Variants in GALNT17 observed in about 807,000 individuals in gnomAD.
The protein encoded by GALNT17 is UDP-GalNAc:polypeptide N-acetylgalactosaminyltransferase-like 3.
A neutral mutation model predicts 63.7 loss-of-function variants in GALNT17; 29 were observed. The ratio of observed to expected loss-of-function variants is 0.46; its 90% CI spans 0.34 to 0.62. The LOEUF is 0.62. Among genes scored for constraint, GALNT17 ranks in the 20% least tolerant of loss-of-function variants. GALNT17 has a pLI of 0.01. For missense variants in GALNT17, 603 were observed against 799.6 expected (o/e 0.75, Z 2.97); for synonymous variants, 305 against 318.3 (o/e 0.96, Z 0.45).
intron 6 of GALNT17, among the ~76,000 whole-genome samples, chr7:71,605,858 G>T (rs187673999): frequency 1.2e-4 from 19 of 152,276 alleles, no homozygotes; most frequent in East Asian, 3.9e-4. Flanking sequence ...TAATAGCACA[G>T]TGAATGAGGC....
chr7:71,168,297 G>A (rs1788482461), intron 1 of GALNT17, among the ~76,000 whole-genome samples: 1 of 152,132 alleles, frequency 6.6e-6, no homozygotes, highest in African/African-American at 2.4e-5. Context: ...ATTTGGGCCG[G>A]GCGCGGTGGC....
intron 9 of GALNT17, among the ~76,000 whole-genome samples, chr7:71,701,580 G>A (rs955284577): frequency 6.6e-6 from 1 of 151,584 alleles, no homozygotes; most frequent in East Asian, 1.9e-4. Context: ...GCACTCCTGG[G>A]TATCTACCCA....
At chr7:71,403,636 C>T (rs1793277673) in intron 3 of GALNT17, among the ~76,000 whole-genome samples, 1 of 152,180 alleles carries the variant, frequency 6.6e-6, no homozygotes, top group Non-Finnish European at 1.5e-5. Flanking sequence ...AGGATTCACA[C>T]TGCCTTTGAC....
intron 9 of GALNT17, among the ~76,000 whole-genome samples, chr7:71,685,220 G>C (rs1020821308): frequency 7.2e-5 from 11 of 152,120 alleles, no homozygotes; most frequent in Non-Finnish European, 1.3e-4. Flanking sequence ...GAATCACGAG[G>C]CACATTTCAG....
At chr7:71,708,001 A>G (rs1001380870) in intron 9 of GALNT17, among the ~76,000 whole-genome samples, 10 of 152,210 alleles carry the variant, frequency 6.6e-5, no homozygotes, top group Non-Finnish European at 4.4e-5. Context: ...GCAACCTACC[A>G]CAATCATCCA....
chr7:71,207,841 A>G (rs1789301887), intron 1 of GALNT17, among the ~76,000 whole-genome samples: 1 of 152,068 alleles, frequency 6.6e-6, no homozygotes, highest in Non-Finnish European at 1.5e-5. Flanking sequence ...TGTGGGCATT[A>G]TATTTGTTTT....
At chr7:71,269,853 C>G (rs1790554530) in intron 1 of GALNT17, among the ~76,000 whole-genome samples, 1 of 152,140 alleles carries the variant, frequency 6.6e-6, no homozygotes, top group African/African-American at 2.4e-5. Context: ...GAGCCCTTGC[C>G]TTTGTCCCCC....
chr7:71,530,265 CT>C (rs1562678096), intron 5 of GALNT17, among the ~76,000 whole-genome samples: 2 of 152,040 alleles, frequency 1.3e-5, no homozygotes, highest in Non-Finnish European at 2.9e-5. Flanking sequence ...TATGTCTAAC[CT>C]TTTTGATGTC....
At chr7:71,679,036 T>G (rs1584131504) in intron 9 of GALNT17, among the ~76,000 whole-genome samples, 1 of 151,014 alleles carries the variant, frequency 6.6e-6, no homozygotes, top group Non-Finnish European at 1.5e-5. Context: ...CTACGATTGG[T>G]GAAAAGTGCC....
At chr7:71,532,811 G>A (rs55780804) in intron 5 of GALNT17, among the ~76,000 whole-genome samples, 51,283 of 152,016 alleles carry the variant, frequency 0.34, 9,074 homozygotes, top group African/African-American at 0.44. Flanking sequence ...GATGCTAGAG[G>A]AGTTATCTCT....
intron 9 of GALNT17, among the ~76,000 whole-genome samples, chr7:71,701,865 A>G (rs1271749445): frequency 1.8e-5 from 2 of 110,756 alleles, no homozygotes; most frequent in African/African-American, 3.7e-5. Context: ...ACACATATAT[A>G]TATACATATA....
At chr7:71,194,413 G>GA in intron 1 of GALNT17, among the ~76,000 whole-genome samples, 1 of 152,166 alleles carries the variant, frequency 6.6e-6, no homozygotes. Context: ...GGGATCTTAA[G>GA]AAAAGGGTAG....
At chr7:71,204,122 A>T (rs1355592742) in intron 1 of GALNT17, among the ~76,000 whole-genome samples, 2 of 151,970 alleles carry the variant, frequency 1.3e-5, no homozygotes, top group African/African-American at 4.8e-5. Flanking sequence ...CTGCTTGTGG[A>T]TATCCAGTTT....
At chr7:71,356,577 T>G (rs1792290080) in intron 2 of GALNT17, among the ~76,000 whole-genome samples, 1 of 152,022 alleles carries the variant, frequency 6.6e-6, no homozygotes, top group African/African-American at 2.4e-5. Flanking sequence ...CAGGCTCTTT[T>G]CAACAATTAG....
At chr7:71,421,748 G>A (rs1262205386) in intron 5 of GALNT17, among the ~76,000 whole-genome samples, 1 of 152,138 alleles carries the variant, frequency 6.6e-6, no homozygotes. Context: ...TCAGGAGTTC[G>A]AGATCAGCCT....
At chr7:71,621,353 A>G (rs1790286038) in intron 6 of GALNT17, among the ~76,000 whole-genome samples, 1 of 152,106 alleles carries the variant, frequency 6.6e-6, no homozygotes, top group Non-Finnish European at 1.5e-5. Flanking sequence ...AAGAGCATCT[A>G]TGTCGATTTT....
chr7:71,170,524 C>T (rs1448055342), intron 1 of GALNT17, among the ~76,000 whole-genome samples: 2 of 151,998 alleles, frequency 1.3e-5, no homozygotes, highest in East Asian at 3.9e-4. Flanking sequence ...TTAGTAGAGA[C>T]GGGGTTTCAC....
chr7:71,244,361 G>A (rs17593748), intron 1 of GALNT17, among the ~76,000 whole-genome samples: 5,180 of 152,290 alleles, frequency 0.034, 116 homozygotes, highest in South Asian at 0.058. Context: ...ACACTGTAGC[G>A]TTTGGTTTCA....
At chr7:71,584,754 C>CTTTA (rs113877661) in intron 6 of GALNT17, among the ~76,000 whole-genome samples, 4,674 of 151,986 alleles carry the variant, frequency 0.031, 235 homozygotes, top group African/African-American at 0.11. Flanking sequence ...TTCTTCTCAC[C>CTTTA]TTTATTTATT....
Sources: allele counts gnomAD v4.1 joint callset (sites outside exome capture counted in the v4.1 genomes callset), GRCh38; gene constraint gnomAD v4.1.1; transcripts MANE v1.5; gene names NCBI Gene and HGNC (gene_info 2026-07-23, HGNC 2026-07-21).